The following MRE11 variants were observed in gnomAD, a reference collection of about 807,000 sequenced individuals.
MRE11 encodes double-strand break repair protein MRE11.
MRE11 carries 62 observed loss-of-function variants against 91.7 expected under a neutral mutation model. The observed-to-expected ratio is 0.68, with a 90% CI of 0.55 to 0.84. MRE11 has a LOEUF of 0.84. Ranked by LOEUF, MRE11 falls within the 40% of genes least tolerant of loss-of-function variation. The pLI is 0.00. For synonymous variants in MRE11, 273 were observed against 271.4 expected, an observed-to-expected ratio of 1.01 and a Z score of -0.06; for missense variants, 796 against 852.9, an observed-to-expected ratio of 0.93 and a Z score of 0.83.
intron 8 of MRE11, among the ~76,000 whole-genome samples, chr11:94,471,328 T>A (rs1262359828): frequency 1.3e-5 from 2 of 152,024 alleles, no homozygotes; most frequent in African/African-American, 2.4e-5. Context: ...AATAAAAATG[T>A]GCATCTTGAA....
chr11:94,436,506 A>C (rs1054793353), intron 17 of MRE11, among the ~76,000 whole-genome samples: 2 of 152,366 alleles, frequency 1.3e-5, no homozygotes, highest in Admixed American at 6.5e-5. Flanking sequence ...CCTGAGGCTA[A>C]GGATGCTGTT....
chr11:94,503,633 CT>C, the MRE11 span, among the ~76,000 whole-genome samples: 4 of 151,266 alleles, frequency 2.6e-5, no homozygotes, highest in Admixed American at 2.6e-4. Context: ...GAGGCGGAGG[CT>C]GCAGTGAGCC....
At chr11:94,433,572 G>A (rs575302438) in intron 18 of MRE11, among the ~76,000 whole-genome samples, 1 of 152,204 alleles carries the variant, frequency 6.6e-6, no homozygotes, top group Non-Finnish European at 1.5e-5. Context: ...GGAGGGACCT[G>A]GTGGGAGATA....
At chr11:94,460,208 C>T (rs1248190021) in intron 12 of MRE11, among the ~76,000 whole-genome samples, 1 of 152,122 alleles carries the variant, frequency 6.6e-6, no homozygotes, top group Admixed American at 6.6e-5. Flanking sequence ...GACAGCCATG[C>T]CAAAACCTTG....
At chr11:94,499,754 A>G in the MRE11 span, among the ~76,000 whole-genome samples, 1 of 152,156 alleles carries the variant, frequency 6.6e-6, no homozygotes, top group Non-Finnish European at 1.5e-5. Flanking sequence ...TCTCAACACC[A>G]CAACACTCCA....
intron 6 of MRE11, among the ~76,000 whole-genome samples, chr11:94,476,837 C>G (rs2135074241): frequency 6.6e-6 from 1 of 152,296 alleles, no homozygotes; most frequent in South Asian, 2.1e-4. Context: ...TCTTGTGCCT[C>G]AGCCTCCTGA....
the MRE11 span, among the ~76,000 whole-genome samples, chr11:94,502,571 A>G: frequency 2.6e-5 from 4 of 152,160 alleles, no homozygotes; most frequent in Admixed American, 2.0e-4. Flanking sequence ...TATTTTTTGA[A>G]TTTGGTTACT....
At chr11:94,437,272 C>A in intron 16 of MRE11, 37 bp from the exon 17 acceptor site, 1 of 1,588,230 alleles carries the variant, frequency 6.3e-7, no homozygotes, top group South Asian at 1.1e-5. Flanking sequence ...TTATGTTATT[C>A]TTAAAATAAC....
the MRE11 span, among the ~76,000 whole-genome samples, chr11:94,499,956 A>G: frequency 1.3e-5 from 2 of 152,206 alleles, no homozygotes; most frequent in Admixed American, 6.5e-5. Context: ...CAGAGATAAT[A>G]TATGAACTGA....
At chr11:94,437,438 A>G (rs1945651151) in intron 16 of MRE11, among the ~76,000 whole-genome samples, 1 of 152,234 alleles carries the variant, frequency 6.6e-6, no homozygotes, top group Admixed American at 6.5e-5. Context: ...TGTCAGTCTC[A>G]TTATTTCCCA....
the MRE11 span, among the ~76,000 whole-genome samples, chr11:94,511,893 A>G: frequency 6.6e-6 from 1 of 152,242 alleles, no homozygotes; most frequent in South Asian, 2.1e-4. Context: ...TTCATCTGTA[A>G]AGTTAGTTAT....
intron 4 of MRE11, among the ~76,000 whole-genome samples, chr11:94,485,637 TGCTCTA>T (rs951131894): frequency 6.6e-6 from 1 of 151,602 alleles, no homozygotes; most frequent in Non-Finnish European, 1.5e-5. Flanking sequence ...GATGGAGTCT[TGCTCTA>T]TCACCTAGGC....
chr11:94,447,349 T>C lies in MRE11; in HGVS notation c.1653A>G (p.Ala551=). ...CATCAGAGTCATTAGCCATCTGTTC[T>C]GCTAAATCTATACTCATAAGGTCAT... The part of the protein sequence containing the change: ...SADDLMSIDL[A]EQMANDSDDS... The change falls in exon 15 of 20, where the codon GCA becomes GCG. Residue 551 remains alanine, a synonymous_variant. Transcript: ENST00000323929. The C allele has an allele frequency of 6.2e-7, 1 of 1,614,144 alleles. No individual in the cohort carries two copies. Among genetic ancestry groups the C allele is most frequent in the Non-Finnish European group, 8.5e-7 (1 of 1,180,004 alleles).
intron 19 of MRE11, among the ~76,000 whole-genome samples, chr11:94,425,196 G>T (rs560152807): frequency 6.6e-6 from 1 of 152,062 alleles, no homozygotes; most frequent in African/African-American, 2.4e-5. Context: ...CCTATTTTCT[G>T]CATCCTTAAA....
chr11:94,421,419 G>C lies in MRE11; in HGVS notation c.2071-1238C>G, dbSNP rs1945169258. ...TGATTCATTTTCTGCTGCTATCAAA[G>C]ACAAAACTTAAATAAACCAGAGACA... On this transcript the variant is annotated intron_variant, in intron 19 of 19. Coordinates refer to ENST00000323929, the MANE Select transcript of MRE11 (RefSeq NM_005591.4). Among the ~76,000 whole-genome samples, 6 of 152,220 alleles carry C rather than the reference G, an allele frequency of 3.9e-5. No individual in the cohort carries two copies. The South Asian group carries it at 1.0e-3, about 26-fold the overall frequency.
chr11:94,501,319 G>A, the MRE11 span, among the ~76,000 whole-genome samples: 7 of 152,198 alleles, frequency 4.6e-5, no homozygotes, highest in African/African-American at 1.7e-4. Context: ...TATGTTTTTA[G>A]CATGACTATT....
At chr11:94,456,517 A>T (rs1447663240) in intron 13 of MRE11, among the ~76,000 whole-genome samples, 179 bp from the exon 14 acceptor site, 1 of 36,544 alleles carries the variant, frequency 2.7e-5, no homozygotes, top group African/African-American at 2.0e-4. Flanking sequence ...TGTACTCTTA[A>T]AAAAAAAAAC....
At chr11:94,494,145 A>C (rs1228495646), upstream of MRE11, 1 of 152,188 alleles carries the variant, frequency 6.6e-6, no homozygotes, top group African/African-American at 2.4e-5. Context: ...CGAGCCCTGC[A>C]GGTCAGGCCG....
chr11:94,457,885 T>TCACA (rs1158623244), intron 13 of MRE11, among the ~76,000 whole-genome samples: 1 of 77,440 alleles, frequency 1.3e-5, no homozygotes, highest in African/African-American at 5.4e-5. Context: ...TCTCTCTCTC[T>TCACA]CTCACACACA....
Sources: allele counts gnomAD v4.1 joint callset (sites outside exome capture counted in the v4.1 genomes callset), GRCh38; gene constraint gnomAD v4.1.1; transcripts MANE v1.5; gene names NCBI Gene and HGNC (gene_info 2026-07-23, HGNC 2026-07-21).